AGBL1: variants seen among roughly 807,000 people sequenced by gnomAD.
The protein encoded by AGBL1 is AGBL carboxypeptidase 1.
Under a neutral mutation model 118.9 loss-of-function variants are expected in AGBL1, and 130 were observed. The observed-to-expected ratio is 1.09, with a 90% confidence interval of 0.95 to 1.26. The LOEUF is 1.26. Ranked by LOEUF, AGBL1 falls within the 50% of genes most tolerant of loss-of-function variation. The pLI, the probability that AGBL1 is intolerant of heterozygous loss-of-function variation, is 0.00. For missense variants in AGBL1, 1,584 were observed against 1,298.1 expected (o/e 1.22, Z -3.38); for synonymous variants, 555 against 478.9 (o/e 1.16, Z -2.08).
chr15:86,541,562 T>C (rs1240333168), intron 19 of AGBL1, among the ~76,000 whole-genome samples: 1 of 137,372 alleles, frequency 7.3e-6, no homozygotes, highest in Admixed American at 8.2e-5. Flanking sequence ...CACTGCATTC[T>C]CAGCCTGGGT....
chr15:86,748,895 C>T (rs191516189), intron 22 of AGBL1, among the ~76,000 whole-genome samples: 3 of 152,134 alleles, frequency 2.0e-5, no homozygotes, highest in African/African-American at 7.2e-5. Flanking sequence ...CAGTTCCATG[C>T]TCTTTTGGTT....
exon 25 of AGBL1, chr15:87,028,884 T>A: frequency 2.5e-6 from 4 of 1,577,354 alleles, no homozygotes; most frequent in Non-Finnish European, 3.5e-6. Context: ...TCATGCCATG[T>A]GCCCAGCTCC....
intron 5 of AGBL1, among the ~76,000 whole-genome samples, chr15:86,202,176 C>A (rs2077918176): frequency 6.6e-6 from 1 of 152,036 alleles, no homozygotes; most frequent in Non-Finnish European, 1.5e-5. Flanking sequence ...GCCTGTAATC[C>A]CAGCTACTCT....
At chr15:86,953,524 G>A (rs879702233) in intron 23 of AGBL1, among the ~76,000 whole-genome samples, 4 of 151,648 alleles carry the variant, frequency 2.6e-5, no homozygotes, top group South Asian at 2.1e-4. Flanking sequence ...CCAAGTAGCC[G>A]GGACTACAGG....
At position 86,732,645 on chromosome 15, in the gene AGBL1, C is replaced by T. The variant is rs566724344; in HGVS notation, c.3158+58209C>T. ...AGTTCACTTTTCCTCATTTTGAAGG[C>T]AATATAGTATTCACTATACAGACTC... On this transcript the variant is annotated intron_variant, in intron 22 of 22. Coordinates refer to ENST00000614907, the MANE Select transcript of AGBL1 (RefSeq NM_001386094.1). Among the ~76,000 whole-genome samples the T allele has an allele frequency of 1.1e-4, 17 of 152,144 alleles. 1 individual carries two copies. The South Asian group carries it at 3.5e-3, about 32-fold the overall frequency.
chr15:87,004,854 T>G (rs908013054), intron 24 of AGBL1, among the ~76,000 whole-genome samples: 3 of 152,240 alleles, frequency 2.0e-5, no homozygotes, highest in African/African-American at 7.2e-5. Context: ...CCACATTTAG[T>G]GCTTCCTTCA....
chr15:86,168,378 A>G lies in AGBL1; in HGVS notation c.488+9352A>G, dbSNP rs2141741834. ...CGTTCTAGGCAGAGGCAGAAGCAAG[A>G]GCAAAGACAAAAAAGCATGAAAACA... is the stretch of plus-strand genomic sequence containing the variant. On this transcript the variant is annotated intron_variant, in intron 5 of 22. Transcript: ENST00000614907. Among the ~76,000 whole-genome samples, 2 of 152,338 alleles carry G rather than the reference A, an allele frequency of 1.3e-5. 1 individual carries two copies. The highest frequency in any genetic ancestry group is 4.1e-4 in the South Asian group (2 of 4,830).
intron 17 of AGBL1, among the ~76,000 whole-genome samples, chr15:86,364,234 T>C (rs1031882953): frequency 2.6e-5 from 4 of 152,216 alleles, no homozygotes; most frequent in African/African-American, 9.6e-5. Context: ...GCTCTCCACA[T>C]ACTTTAACCA....
intron 18 of AGBL1, among the ~76,000 whole-genome samples, chr15:86,458,371 A>G (rs1012431831): frequency 3.9e-5 from 6 of 152,210 alleles, no homozygotes; most frequent in African/African-American, 1.4e-4. Flanking sequence ...TCGTGTACCA[A>G]GAATTAAGCT....
intron 18 of AGBL1, among the ~76,000 whole-genome samples, chr15:86,476,451 C>T (rs1790261547): frequency 6.6e-6 from 1 of 152,120 alleles, no homozygotes; most frequent in Non-Finnish European, 1.5e-5. Context: ...ATAAAACAGA[C>T]TTTAAACCAA....
chr15:86,617,550 T>C (rs1005423968), intron 21 of AGBL1, among the ~76,000 whole-genome samples: 5 of 152,318 alleles, frequency 3.3e-5, no homozygotes, highest in Middle Eastern at 3.4e-3. Context: ...GAGCTACAAG[T>C]GGTATTGTCA....
At chr15:86,741,480 GAAAAT>G (rs1199995457) in intron 22 of AGBL1, among the ~76,000 whole-genome samples, 1 of 126,396 alleles carries the variant, frequency 7.9e-6, no homozygotes, top group African/African-American at 3.1e-5. Context: ...TGATTAGAAA[GAAAAT>G]AAGCACTGAT....
chr15:86,965,705 G>T (rs1229232282), intron 23 of AGBL1, among the ~76,000 whole-genome samples: 1 of 152,072 alleles, frequency 6.6e-6, no homozygotes, highest in Non-Finnish European at 1.5e-5. Flanking sequence ...CCTTTGCAGG[G>T]ACATGGATGA....
intron 22 of AGBL1, among the ~76,000 whole-genome samples, chr15:86,808,672 T>C (rs2141363566): frequency 6.7e-6 from 1 of 149,332 alleles, no homozygotes; most frequent in Admixed American, 6.7e-5. Context: ...CCTCCTTCCT[T>C]TTCTTTCCTT....
At chr15:86,929,661 T>C (rs1023972014) in intron 23 of AGBL1, among the ~76,000 whole-genome samples, 5 of 152,204 alleles carry the variant, frequency 3.3e-5, no homozygotes, top group African/African-American at 9.7e-5. Flanking sequence ...TCTCAAAATA[T>C]TAGGACTGCA....
At chr15:86,413,753 C>T (rs959611816) in intron 18 of AGBL1, among the ~76,000 whole-genome samples, 3 of 151,770 alleles carry the variant, frequency 2.0e-5, no homozygotes, top group Non-Finnish European at 4.4e-5. Context: ...GTTTGTGTTC[C>T]TTGTAAATTC....
At chr15:86,363,064 C>A (rs147453606) in intron 17 of AGBL1, among the ~76,000 whole-genome samples, 53 of 152,246 alleles carry the variant, frequency 3.5e-4, no homozygotes, top group African/African-American at 1.3e-3. Context: ...AATGGGGCTT[C>A]TTTGGTCTGC....
rs187899882 is a variant in AGBL1, at chr15:86,354,051, G to T, written c.2375-43315G>T. ...AGGACACTAATGAGGCGGGTGATTT[G>T]CACTTCTGCATAGATGCAGCTGCTA... On this transcript the variant is annotated intron_variant, in intron 17 of 22. Coordinates refer to ENST00000614907, the MANE Select transcript of AGBL1 (RefSeq NM_001386094.1). Among the ~76,000 whole-genome samples, 773 of 152,312 alleles carry T rather than the reference G, an allele frequency of 5.1e-3. 14 individuals are homozygous for T. Among genetic ancestry groups the T allele is most frequent in the Middle Eastern group, 3.4e-3 (1 of 294 alleles).
At chr15:86,656,885 A>T (rs1029853089) in intron 21 of AGBL1, among the ~76,000 whole-genome samples, 2 of 152,194 alleles carry the variant, frequency 1.3e-5, no homozygotes, top group Admixed American at 6.5e-5. Context: ...TGGAGGTTTG[A>T]AATGCAAATA....
Sources: allele counts gnomAD v4.1 joint callset (sites outside exome capture counted in the v4.1 genomes callset), GRCh38; gene constraint gnomAD v4.1.1; transcripts MANE v1.5; gene names NCBI Gene and HGNC (gene_info 2026-07-23, HGNC 2026-07-21).